The following HECW1 variants were observed in gnomAD, a reference collection of about 807,000 sequenced individuals.
HECW1 encodes the protein E3 ubiquitin-protein ligase HECW1.
HECW1 carries 61 observed loss-of-function variants against 182.3 expected under a neutral mutation model. The observed-to-expected ratio is 0.33, with a 90% confidence interval of 0.27 to 0.41. The LOEUF (loss-of-function observed/expected upper bound fraction) is 0.41, where lower values mean the gene tolerates loss of function less well. Among genes scored for constraint, HECW1 ranks in the 10% least tolerant of loss-of-function variants. The pLI is 1.00. For synonymous variants in HECW1, 859 were observed against 832.6 expected (o/e 1.03, Z -0.55); for missense variants, 1,739 against 2,108.9 (o/e 0.82, Z 3.44).
intron 3 of HECW1, among the ~76,000 whole-genome samples, chr7:43,254,399 A>T (rs1194519482): frequency 1.3e-5 from 2 of 152,336 alleles, no homozygotes; most frequent in South Asian, 4.1e-4. Context: ...GCAATTTTTC[A>T]TGAATTCGTT....
At chr7:43,339,471 T>C (rs1433723079) in intron 5 of HECW1, among the ~76,000 whole-genome samples, 1 of 152,186 alleles carries the variant, frequency 6.6e-6, no homozygotes, top group African/African-American at 2.4e-5. Flanking sequence ...TTTCTATTGG[T>C]TTTAATTTTC....
intron 2 of HECW1, among the ~76,000 whole-genome samples, chr7:43,223,267 CT>C (rs777163708): frequency 1.3e-5 from 2 of 152,170 alleles, no homozygotes; most frequent in Non-Finnish European, 2.9e-5. Flanking sequence ...GCAAAGGCTC[CT>C]AATCTGTCTC....
At chr7:43,315,131 G>C (rs1809042000) in intron 4 of HECW1, among the ~76,000 whole-genome samples, 1 of 152,228 alleles carries the variant, frequency 6.6e-6, no homozygotes, top group Non-Finnish European at 1.5e-5. Flanking sequence ...TGACATAAGA[G>C]GGGGAAGATA....
chr7:43,160,123 C>A (rs1264953315), intron 2 of HECW1, among the ~76,000 whole-genome samples: 1 of 152,002 alleles, frequency 6.6e-6, no homozygotes, highest in East Asian at 1.9e-4. Flanking sequence ...TACTTTTGTC[C>A]CTTTGCACTT....
intron 16 of HECW1, among the ~76,000 whole-genome samples, chr7:43,470,452 A>G (rs906255520): frequency 6.6e-6 from 1 of 152,350 alleles, no homozygotes; most frequent in Middle Eastern, 3.4e-3. Context: ...GACAGGGAGC[A>G]CAGTGGAATG....
intron 7 of HECW1, among the ~76,000 whole-genome samples, chr7:43,406,739 G>T (rs930834664): frequency 6.6e-6 from 1 of 152,034 alleles, no homozygotes; most frequent in Non-Finnish European, 1.5e-5. Context: ...CCAACACAGC[G>T]AAAATCTGTC....
At chr7:43,457,803 G>A (rs1364180273) in intron 13 of HECW1, among the ~76,000 whole-genome samples, 1 of 151,500 alleles carries the variant, frequency 6.6e-6, no homozygotes, top group South Asian at 2.1e-4. Flanking sequence ...AAAAAACATG[G>A]AAACAAAAAA....
intron 3 of HECW1, among the ~76,000 whole-genome samples, chr7:43,264,505 T>C (rs1801523412): frequency 6.6e-6 from 1 of 152,200 alleles, no homozygotes; most frequent in African/African-American, 2.4e-5. Flanking sequence ...CATTTTGCTT[T>C]TATGTTTGTT....
intron 17 of HECW1, among the ~76,000 whole-genome samples, chr7:43,485,288 T>C (rs2078587462): frequency 1.3e-5 from 2 of 152,214 alleles, no homozygotes; most frequent in Non-Finnish European, 2.9e-5. Context: ...TCAGGAAGCT[T>C]GCTTTTGGGG....
intron 3 of HECW1, among the ~76,000 whole-genome samples, chr7:43,283,581 C>T (rs1185220486): frequency 6.6e-6 from 1 of 152,076 alleles, no homozygotes; most frequent in African/African-American, 2.4e-5. Context: ...TAGATATAAG[C>T]CACATAAATA....
intron 5 of HECW1, among the ~76,000 whole-genome samples, chr7:43,356,892 C>CA (rs1446689785): frequency 1.6e-4 from 24 of 152,050 alleles, no homozygotes; most frequent in East Asian, 1.3e-3. Context: ...AACTCAAGAG[C>CA]AAAAAACAAT....
At chr7:43,396,971 T>A in intron 7 of HECW1, 82 bp downstream of exon 7, 1 of 1,001,538 alleles carries the variant, frequency 1.0e-6, no homozygotes. Flanking sequence ...ATTTCACTCT[T>A]ACCTACAAGT....
At chr7:43,289,637 C>T (rs10246645) in intron 3 of HECW1, among the ~76,000 whole-genome samples, 55,749 of 151,842 alleles carry the variant, frequency 0.37, 13,986 homozygotes, top group African/African-American at 0.72. Flanking sequence ...CATAGGTGGT[C>T]TTATTAACAG....
intron 24 of HECW1, among the ~76,000 whole-genome samples, chr7:43,528,965 G>A (rs988570480): frequency 1.3e-5 from 2 of 152,022 alleles, no homozygotes; most frequent in Non-Finnish European, 2.9e-5. Context: ...TGGGGCATTG[G>A]GGAGGAGATT....
chr7:43,463,929 G>A, intron 14 of HECW1, 130 bp downstream of exon 14: 2 of 1,010,560 alleles, frequency 2.0e-6, no homozygotes, highest in Non-Finnish European at 2.9e-6. Context: ...GTCCAGGGTG[G>A]AGGACAGAGG....
intron 24 of HECW1, among the ~76,000 whole-genome samples, chr7:43,533,028 G>A (rs1389054434): frequency 6.6e-6 from 1 of 152,036 alleles, no homozygotes; most frequent in Non-Finnish European, 1.5e-5. Flanking sequence ...TATTCCAGTG[G>A]TTCTCAAGAG....
chr7:43,246,839 G>A (rs1799423545), intron 3 of HECW1, among the ~76,000 whole-genome samples: 1 of 147,414 alleles, frequency 6.8e-6, no homozygotes, highest in African/African-American at 2.7e-5. Context: ...CTGCAGCCTG[G>A]CAGAGCCTCT....
intron 29 of HECW1, among the ~76,000 whole-genome samples, chr7:43,560,880 A>G (rs1327907495): frequency 6.6e-6 from 1 of 152,166 alleles, no homozygotes; most frequent in African/African-American, 2.4e-5. Flanking sequence ...GTCTGAAAAC[A>G]CCATTTCAAC....
intron 26 of HECW1, among the ~76,000 whole-genome samples, chr7:43,548,577 A>G (rs979728025): frequency 6.6e-6 from 1 of 152,198 alleles, no homozygotes; most frequent in African/African-American, 2.4e-5. Flanking sequence ...TTAGGATTAG[A>G]TTCAGCTACT....
Sources: allele counts gnomAD v4.1 joint callset (sites outside exome capture counted in the v4.1 genomes callset), GRCh38; gene constraint gnomAD v4.1.1; transcripts MANE v1.5; gene names NCBI Gene and HGNC (gene_info 2026-07-23, HGNC 2026-07-21).